The following TNFRSF10D variants were observed in gnomAD, a reference collection of about 807,000 sequenced individuals.
TNFRSF10D encodes TNF receptor superfamily member 10d.
TNFRSF10D carries 28 observed loss-of-function variants against 42.1 expected under a neutral mutation model. The ratio of observed to expected loss-of-function variants is 0.66; its 90% CI spans 0.49 to 0.91. The LOEUF is 0.91. Among genes scored for constraint, TNFRSF10D ranks in the 40% least tolerant of loss-of-function variants. The pLI, the probability that TNFRSF10D is intolerant of heterozygous loss-of-function variation, is 0.00. For synonymous variants in TNFRSF10D, 186 were observed against 189.4 expected (o/e 0.98, Z 0.15); for missense variants, 503 against 486.1 (o/e 1.03, Z -0.33).
rs774789669 is a variant in TNFRSF10D, at chr8:23,145,667, C to T, written c.736+1G>A. The T allele has an allele frequency of 1.4e-5, 22 of 1,613,896 alleles. No homozygotes were observed. The East Asian group carries it at 2.4e-4, about 18-fold the overall frequency. On this transcript the variant is annotated splice_donor_variant, in intron 5 of 8. Coordinates refer to ENST00000312584, the MANE Select transcript of TNFRSF10D (RefSeq NM_003840.5). LOFTEE classifies it high-confidence loss of function. ...CGCTCCCACCCTCAGCCAGCACCTA[C>T]CTGAGCAGATGCCTTTGAGGTAAGA...
chr8:23,155,483 G>A (rs1234051744), intron 1 of TNFRSF10D, among the ~76,000 whole-genome samples: 4 of 151,978 alleles, frequency 2.6e-5, no homozygotes, highest in Non-Finnish European at 4.4e-5. Context: ...ACTTTGGGAG[G>A]CCAAAGTGGG....
In TNFRSF10D at chr8:23,135,797, C is replaced by T; in HGVS notation, c.*2073G>A. ...GATAAGGCTGGTAGTCTAGATGCAT[C>T]TTCAAGGAAGGCCTCTGAGGAAGGG... On this transcript the variant is annotated 3_prime_UTR_variant, in exon 9 of 9. Transcript: ENST00000312584. The T allele has an allele frequency of 2.3e-6, 1 of 433,516 alleles. No individual in the cohort carries two copies. 26.9% of individuals were successfully genotyped at this position (433,516 alleles called of 1,614,324 possible). A position where few individuals can be genotyped will look rare whatever the true frequency, so the allele number is the denominator to read the frequency against.
rs907857125 is a variant in TNFRSF10D, at chr8:23,163,807, G to T, written c.129C>A (p.Phe43Leu). 6 of 1,607,842 alleles carry T rather than the reference G, an allele frequency of 3.7e-6. No individual in the cohort carries two copies. The highest frequency in any genetic ancestry group is 5.1e-6 in the Non-Finnish European group (6 of 1,178,700). Residue 43 changes from phenylalanine to leucine, a missense_variant, in exon 1 of 9, where the codon TTC becomes TTA. Physicochemically the swap from Phe to Leu is conservative, Grantham distance 22 (BLOSUM62 0). Transcript: ENST00000312584. ...TCACCGGCAGCAGAACCGCGACGAT[G>T]AAGACGACGAACTTAAGGATCTTGG... ...LDPKILKFVV[F>L]IVAVLLPVRV...
In TNFRSF10D at chr8:23,142,330, T is replaced by G. The variant is rs367590523; in HGVS notation, c.954+2120A>C. ...AAGACACCACTATCCATAATAGCAG[T>G]GACATGGAATCAACCTAGGTTCCCA... On this transcript the variant is annotated intron_variant, in intron 7 of 8. Coordinates refer to ENST00000312584, the MANE Select transcript of TNFRSF10D (RefSeq NM_003840.5). Among the ~76,000 whole-genome samples the G allele has an allele frequency of 8.9e-4, 135 of 151,368 alleles. No homozygotes were observed. The South Asian group carries it at 0.015, about 16-fold the overall frequency.
intron 1 of TNFRSF10D, among the ~76,000 whole-genome samples, chr8:23,162,078 A>G (rs1177308833): frequency 1.3e-5 from 2 of 152,254 alleles, no homozygotes; most frequent in Admixed American, 6.5e-5. Context: ...CCCATGTAGT[A>G]AAATACAATA....
intron 3 of TNFRSF10D, 48 bp from the exon 4 acceptor site, chr8:23,147,120 T>G: frequency 3.4e-6 from 5 of 1,487,584 alleles, no homozygotes; most frequent in Non-Finnish European, 4.7e-6. Flanking sequence ...CTGACATGTC[T>G]GTCCACCCTT....
chr8:23,158,025 A>T (rs1412854003), intron 1 of TNFRSF10D, among the ~76,000 whole-genome samples: 1 of 152,222 alleles, frequency 6.6e-6, no homozygotes, highest in Non-Finnish European at 1.5e-5. Context: ...GTAAGGCAAG[A>T]TCCTGGAAGT....
At chr8:23,146,785 G>C (rs1800126634) in intron 4 of TNFRSF10D, among the ~76,000 whole-genome samples, 176 bp downstream of exon 4, 1 of 152,130 alleles carries the variant, frequency 6.6e-6, no homozygotes, top group African/African-American at 2.4e-5. Context: ...AGGGGGTAGG[G>C]GTGGGGACAG....
At chr8:23,140,022 G>T (rs374623989) in intron 7 of TNFRSF10D, among the ~76,000 whole-genome samples, 2 of 152,126 alleles carry the variant, frequency 1.3e-5, no homozygotes, top group Non-Finnish European at 2.9e-5. Context: ...GGGTACGGTG[G>T]CTCACGCCTG....
intron 7 of TNFRSF10D, 100 bp downstream of exon 7, chr8:23,144,350 C>A (rs1800077958): frequency 1.5e-6 from 2 of 1,377,016 alleles, no homozygotes; most frequent in Non-Finnish European, 2.0e-6. Flanking sequence ...GGCTCCATGT[C>A]CCCTTGGGCC....
At chr8:23,156,073 A>G (rs985726141) in intron 1 of TNFRSF10D, among the ~76,000 whole-genome samples, 1 of 152,214 alleles carries the variant, frequency 6.6e-6, no homozygotes, top group South Asian at 2.1e-4. Flanking sequence ...CAACTGGAGA[A>G]TCGGAATAGA....
At chr8:23,145,148 C>A (rs1164561432) in intron 5 of TNFRSF10D, 59 bp from the exon 6 acceptor site, 1 of 1,610,058 alleles carries the variant, frequency 6.2e-7, no homozygotes, top group Non-Finnish European at 8.5e-7. Flanking sequence ...ACCTCCCTCC[C>A]AGAGGACAGT....
chr8:23,141,669 A>G (rs534117787), intron 7 of TNFRSF10D, among the ~76,000 whole-genome samples: 635 of 151,640 alleles, frequency 4.2e-3, no homozygotes, highest in African/African-American at 0.013. Context: ...ACATGAACAC[A>G]CATGTCTCAA....
chr8:23,139,842 A>C (rs1358180083), intron 7 of TNFRSF10D, among the ~76,000 whole-genome samples: 1 of 152,220 alleles, frequency 6.6e-6, no homozygotes, highest in African/African-American at 2.4e-5. Context: ...AGGATACAAA[A>C]TCAATGTATA....
At chr8:23,146,055 G>C in intron 4 of TNFRSF10D, 134 bp from the exon 5 acceptor site, 1 of 1,211,042 alleles carries the variant, frequency 8.3e-7, no homozygotes, top group Middle Eastern at 2.8e-4. Flanking sequence ...TCAGCAGTGG[G>C]TCCCCCTGTG....
Position 23,154,952 on chromosome 8 carries a change from G to C in TNFRSF10D, c.178C>G (p.Arg60Gly), listed in dbSNP as rs540501775. ...GTCTGCTGGGGAACTTCGTCCTGCCGGGGGATGGTGGCAGAGTCAACCCGG... is the reference window on the plus strand; with the variant it reads ...GTCTGCTGGGGAACTTCGTCCTGCCCGGGGATGGTGGCAGAGTCAACCCGG... The part of the protein sequence containing the change: ...PVRVDSATIP[R>G]QDEVPQQTVA... The change falls in exon 2 of 9, where the codon CGG (arginine) becomes GGG (glycine). Residue 60 changes from arginine (R) to glycine (G), a missense_variant. Coordinates refer to ENST00000312584, the MANE Select transcript of TNFRSF10D (RefSeq NM_003840.5). 6.2e-7 allele frequency: 1 copy of C among 1,612,502 alleles called. No homozygotes were observed. Among genetic ancestry groups the C allele is most frequent in the Admixed American group, 1.7e-5 (1 of 59,868 alleles).
chr8:23,148,994 T>G (rs183124600), intron 2 of TNFRSF10D, among the ~76,000 whole-genome samples: 7 of 151,482 alleles, frequency 4.6e-5, no homozygotes, highest in South Asian at 4.2e-4. Context: ...ATCGAGACCA[T>G]CCTGGCTAAC....
intron 3 of TNFRSF10D, among the ~76,000 whole-genome samples, chr8:23,147,848 G>T (rs549494965): frequency 1.3e-4 from 20 of 152,078 alleles, no homozygotes; most frequent in Admixed American, 4.6e-4. Context: ...GGATCACGAG[G>T]TCAGGAGATC....
intron 1 of TNFRSF10D, among the ~76,000 whole-genome samples, chr8:23,162,631 T>G (rs1800387270): frequency 6.6e-6 from 1 of 152,156 alleles, no homozygotes; most frequent in Non-Finnish European, 1.5e-5. Flanking sequence ...TGCACCCCAC[T>G]ACCAATCTCA....
Sources: gnomAD v4.1 joint callset for allele counts (sites outside exome capture counted in the v4.1 genomes callset) on GRCh38, gnomAD v4.1.1 for gene constraint, MANE v1.5 for transcripts, NCBI Gene and HGNC (gene_info 2026-07-23, HGNC 2026-07-21) for gene names.